Variants in CNTNAP2 observed in about 807,000 individuals in gnomAD.
CNTNAP2 encodes the protein contactin associated protein 2, also known as contactin-associated protein-like 2.
CNTNAP2 carries 98 observed loss-of-function variants against 155.2 expected under a neutral mutation model. The ratio of observed to expected loss-of-function variants is 0.63; its 90% CI spans 0.54 to 0.75. The LOEUF (loss-of-function observed/expected upper bound fraction) is 0.75. Among genes scored for constraint, CNTNAP2 ranks in the 30% least tolerant of loss-of-function variants. The pLI is 0.00. For synonymous variants in CNTNAP2, 651 were observed against 631.2 expected, an observed-to-expected ratio of 1.03 and a Z score of -0.47; for missense variants, 1,727 against 1,688.1, an observed-to-expected ratio of 1.02 and a Z score of -0.40.
At chr7:146,261,700 G>A (rs143472596) in intron 1 of CNTNAP2, among the ~76,000 whole-genome samples, 2,032 of 152,096 alleles carry the variant, frequency 0.013, 34 homozygotes, top group African/African-American at 0.045. Context: ...GTCTGCAAAG[G>A]TTGTAGCTGA....
intron 4 of CNTNAP2, among the ~76,000 whole-genome samples, chr7:147,073,918 G>A (rs1799947157): frequency 6.6e-6 from 1 of 152,180 alleles, no homozygotes; most frequent in Non-Finnish European, 1.5e-5. Context: ...AAAATGCAGT[G>A]TGGCATTTCC....
At chr7:147,160,646 G>A (rs1293529723) in intron 8 of CNTNAP2, among the ~76,000 whole-genome samples, 1 of 152,060 alleles carries the variant, frequency 6.6e-6, no homozygotes, top group African/African-American at 2.4e-5. Context: ...ATTGTAATAT[G>A]ATGTGTTAAG....
chr7:148,247,521 A>G (rs897292684), intron 20 of CNTNAP2, among the ~76,000 whole-genome samples: 4 of 150,914 alleles, frequency 2.7e-5, no homozygotes, highest in East Asian at 1.9e-4. Flanking sequence ...CTTTCCCCAC[A>G]TCTTTGTTTT....
intron 15 of CNTNAP2, among the ~76,000 whole-genome samples, chr7:148,032,374 C>T (rs1802493730): frequency 6.6e-6 from 1 of 152,152 alleles, no homozygotes; most frequent in South Asian, 2.1e-4. Context: ...GACATCACAT[C>T]AGTGTGTGTG....
chr7:148,317,147 G>A (rs975227491), intron 21 of CNTNAP2, among the ~76,000 whole-genome samples: 5 of 152,212 alleles, frequency 3.3e-5, no homozygotes, highest in Non-Finnish European at 5.9e-5. Flanking sequence ...CCTGAGGTCA[G>A]GAGTTTGAGA....
chr7:146,245,290 TGGTAA>T, intron 1 of CNTNAP2, among the ~76,000 whole-genome samples: 2 of 152,076 alleles, frequency 1.3e-5, no homozygotes, highest in Non-Finnish European at 2.9e-5. Flanking sequence ...CCAGGAACAA[TGGTAA>T]TTGTGGGACT....
At chr7:147,275,403 G>A (rs997665041) in intron 8 of CNTNAP2, among the ~76,000 whole-genome samples, 1 of 148,070 alleles carries the variant, frequency 6.8e-6, no homozygotes, top group Non-Finnish European at 1.5e-5. Flanking sequence ...TAGATAGTGT[G>A]CTTGTGTATG....
intron 1 of CNTNAP2, among the ~76,000 whole-genome samples, chr7:146,489,406 T>A (rs1797106152): frequency 6.6e-6 from 1 of 152,200 alleles, no homozygotes; most frequent in Admixed American, 6.5e-5. Context: ...CTCTTACTGC[T>A]CTTTTAGTAG....
chr7:147,518,701 C>T (rs1172939560), intron 11 of CNTNAP2, among the ~76,000 whole-genome samples: 2 of 152,124 alleles, frequency 1.3e-5, no homozygotes, highest in Non-Finnish European at 2.9e-5. Context: ...TTTGCTATCA[C>T]GCCCCTCACT....
chr7:146,850,459 A>G (rs1794857275), intron 3 of CNTNAP2, among the ~76,000 whole-genome samples: 1 of 152,342 alleles, frequency 6.6e-6, no homozygotes, highest in East Asian at 1.9e-4. Context: ...TTAATAAATA[A>G]TAACAGCCAA....
At chr7:146,543,173 AT>A (rs539865880) in intron 1 of CNTNAP2, among the ~76,000 whole-genome samples, 17 of 151,912 alleles carry the variant, frequency 1.1e-4, no homozygotes, top group Non-Finnish European at 2.2e-4. Context: ...CACTTAATAA[AT>A]TTTTTTTATT....
intron 13 of CNTNAP2, among the ~76,000 whole-genome samples, chr7:147,677,551 T>C (rs1563049774): frequency 6.6e-6 from 1 of 151,912 alleles, no homozygotes; most frequent in Non-Finnish European, 1.5e-5. Flanking sequence ...TCTTTGCTTT[T>C]GTCGCCTGTG....
At chr7:146,860,184 T>C (rs1415395641) in intron 3 of CNTNAP2, among the ~76,000 whole-genome samples, 1 of 152,230 alleles carries the variant, frequency 6.6e-6, no homozygotes, top group African/African-American at 2.4e-5. Context: ...ATCATGACCC[T>C]CATGGAGATT....
chr7:148,417,979 G>A lies in CNTNAP2; in HGVS notation c.*2363G>A, dbSNP rs764626049. The A allele has an allele frequency of 4.6e-5, 7 of 152,152 alleles. No homozygotes were observed. The highest frequency in any genetic ancestry group is 8.8e-5 in the Non-Finnish European group (6 of 68,028). 9.4% of individuals were successfully genotyped at this position (152,152 alleles called of 1,614,324 possible). Reference sequence around the variant, plus strand: ...ACCTAGGACACTGGAATGACTGCAGGGATCAGTGGTTCTCCCATATCACCA... The same window carrying A: ...ACCTAGGACACTGGAATGACTGCAGAGATCAGTGGTTCTCCCATATCACCA... On this transcript the variant is annotated 3_prime_UTR_variant, in exon 24 of 24. Transcript: ENST00000361727.
At chr7:148,306,865 G>T (rs1167936659) in intron 21 of CNTNAP2, among the ~76,000 whole-genome samples, 1 of 151,718 alleles carries the variant, frequency 6.6e-6, no homozygotes, top group African/African-American at 2.4e-5. Flanking sequence ...TTCCCCTTTA[G>T]CTGACACCCA....
chr7:146,137,976 GT>G (rs1004312230), intron 1 of CNTNAP2, among the ~76,000 whole-genome samples: 2 of 151,684 alleles, frequency 1.3e-5, no homozygotes, highest in Non-Finnish European at 2.9e-5. Context: ...TGAGGTTTGG[GT>G]TTTTTTATTC....
chr7:147,657,931 T>C (rs971946959), intron 13 of CNTNAP2, among the ~76,000 whole-genome samples: 2 of 152,132 alleles, frequency 1.3e-5, no homozygotes, highest in Non-Finnish European at 2.9e-5. Flanking sequence ...GCTGAAATTA[T>C]ATGAGGTGAA....
chr7:147,604,157 G>A (rs2116865666), intron 12 of CNTNAP2, among the ~76,000 whole-genome samples: 2 of 151,934 alleles, frequency 1.3e-5, no homozygotes, highest in Non-Finnish European at 2.9e-5. Flanking sequence ...CAGGACATAG[G>A]CGTGGGCAAG....
At chr7:147,448,305 A>G (rs1797776026) in intron 10 of CNTNAP2, among the ~76,000 whole-genome samples, 1 of 152,088 alleles carries the variant, frequency 6.6e-6, no homozygotes, top group African/African-American at 2.4e-5. Context: ...AGATTTCCAA[A>G]TTAAATTTTT....
Sources: gnomAD v4.1 joint callset for allele counts (sites outside exome capture counted in the v4.1 genomes callset) on GRCh38, gnomAD v4.1.1 for gene constraint, MANE v1.5 for transcripts, NCBI Gene and HGNC (gene_info 2026-07-23, HGNC 2026-07-21) for gene names.